Variants in BLOC1S3 observed in about 807,000 individuals in gnomAD.
The protein encoded by BLOC1S3 is biogenesis of lysosomal organelles complex 1 subunit 3.
Under a neutral mutation model 9.1 loss-of-function variants are expected in BLOC1S3, and 7 were observed. That is an observed-to-expected ratio of 0.77 (90% CI 0.44 to 1.45). The LOEUF is 1.45. BLOC1S3 is among the 40% of genes most tolerant of loss of function. The pLI, the probability that BLOC1S3 is intolerant of heterozygous loss-of-function variation, is 0.01. For synonymous variants in BLOC1S3, 145 were observed against 158.4 expected, an observed-to-expected ratio of 0.92 and a Z score of 0.64; for missense variants, 307 against 315.2, an observed-to-expected ratio of 0.97 and a Z score of 0.20.
At chr19:45,209,503 G>A (rs1180137871) in intron 3 of BLOC1S3, among the ~76,000 whole-genome samples, 3 of 150,506 alleles carry the variant, frequency 2.0e-5, no homozygotes, top group Non-Finnish European at 3.0e-5. Flanking sequence ...CTCACTGCAA[G>A]CTCCGCCTCC....
At chr19:45,198,252 A>G (rs1355277986) in intron 2 of BLOC1S3, among the ~76,000 whole-genome samples, 1 of 151,882 alleles carries the variant, frequency 6.6e-6, no homozygotes, top group Non-Finnish European at 1.5e-5. Flanking sequence ...CCTTTGGCCA[A>G]CTCTAACTTA....
chr19:45,200,418 G>A (rs1477041739), intron 2 of BLOC1S3, among the ~76,000 whole-genome samples: 3 of 152,034 alleles, frequency 2.0e-5, no homozygotes, highest in Admixed American at 6.6e-5. Flanking sequence ...TCATGACCTC[G>A]TGATCCACCT....
At chr19:45,207,236 G>T (rs940759943) in intron 3 of BLOC1S3, among the ~76,000 whole-genome samples, 1 of 151,622 alleles carries the variant, frequency 6.6e-6, no homozygotes, top group Non-Finnish European at 1.5e-5. Context: ...GGGTTCAAGT[G>T]ATTTTCCTGC....
chr19:45,215,898 G>A (rs891414494), intron 3 of BLOC1S3, among the ~76,000 whole-genome samples: 2 of 152,204 alleles, frequency 1.3e-5, no homozygotes, highest in Admixed American at 6.5e-5. Flanking sequence ...CAGCAGCGGC[G>A]GCAGGAGAAG....
At chr19:45,189,418 G>A (rs1383572750) in intron 2 of BLOC1S3, among the ~76,000 whole-genome samples, 2 of 147,450 alleles carry the variant, frequency 1.4e-5, no homozygotes, top group East Asian at 2.0e-4. Flanking sequence ...AAGGACTTGA[G>A]GTAGTCTTCT....
intron 3 of BLOC1S3, chr19:45,212,618 T>C (rs1003133794): frequency 7.5e-6 from 1 of 133,322 alleles, no homozygotes; most frequent in Admixed American, 7.7e-5. Context: ...TTTTTTTTTT[T>C]TTGAGAAAGG....
rs1969515095 is a variant in BLOC1S3, at chr19:45,181,095, C to T, written c.*1190C>T. 6.0e-6 allele frequency: 1 copy of T among 167,804 alleles called. No homozygotes were observed. Among genetic ancestry groups the T allele is most frequent in the African/African-American group, 2.4e-5 (1 of 41,452 alleles). The allele number at this position is 167,804 out of a possible 1,614,324, so 10.4% of individuals were successfully genotyped here. ...GTGCTGGTTCTACTTTTTGTTCTCC[C>T]ATCTGCCTCCTGCCTCCTCCCCTTT... On this transcript the variant is annotated 3_prime_UTR_variant, in exon 2 of 2. Coordinates refer to ENST00000433642, the MANE Select transcript of BLOC1S3 (RefSeq NM_212550.5).
At chr19:45,204,224 T>G (rs1969711245) in intron 3 of BLOC1S3, among the ~76,000 whole-genome samples, 1 of 147,392 alleles carries the variant, frequency 6.8e-6, no homozygotes, top group African/African-American at 2.5e-5. Context: ...GTTTTGCTCT[T>G]GTTGTCCAGG....
intron 2 of BLOC1S3, among the ~76,000 whole-genome samples, chr19:45,199,927 A>C (rs530491259): frequency 6.6e-6 from 1 of 151,712 alleles, no homozygotes; most frequent in Non-Finnish European, 1.5e-5. Flanking sequence ...CACCATGCCC[A>C]GCTAATTTTT....
In BLOC1S3 at chr19:45,180,900, T is replaced by C; in HGVS notation, c.*995T>C. On this transcript the variant is annotated 3_prime_UTR_variant, in exon 2 of 2. Coordinates refer to ENST00000433642, the MANE Select transcript of BLOC1S3 (RefSeq NM_212550.5). ...CACCACCACGCCTGGCTACTTTTTATATTTTTAGTAGAGATGAGGTTTCAC... is the reference window on the plus strand; with the variant it reads ...CACCACCACGCCTGGCTACTTTTTACATTTTTAGTAGAGATGAGGTTTCAC... 6.2e-6 allele frequency: 1 copy of C among 161,086 alleles called. No homozygotes were observed. The allele number at this position is 161,086 out of a possible 1,614,324, so 10.0% of individuals were successfully genotyped here.
chr19:45,216,202 G>A (rs1407627509), intron 3 of BLOC1S3: 1 of 1,613,478 alleles, frequency 6.2e-7, no homozygotes, highest in Admixed American at 1.7e-5. Context: ...CTCCTGCAGG[G>A]GAGGGAGGGT....
downstream of BLOC1S3, among the ~76,000 whole-genome samples, chr19:45,183,661 CTG>C (rs1969545111): frequency 7.9e-6 from 1 of 126,164 alleles, no homozygotes; most frequent in Non-Finnish European, 1.6e-5. Flanking sequence ...GAGTCTCACT[CTG>C]TCGTTCAGGC....
At chr19:45,183,497 C>T (rs912242391), downstream of BLOC1S3, among the ~76,000 whole-genome samples, 7 of 151,102 alleles carry the variant, frequency 4.6e-5, no homozygotes, top group South Asian at 2.1e-4. Context: ...AAAGTAGGTG[C>T]GGATCAACCA....
At chr19:45,182,740 A>ATT (rs1969535105), downstream of BLOC1S3, among the ~76,000 whole-genome samples, 2 of 152,124 alleles carry the variant, frequency 1.3e-5, no homozygotes, top group Non-Finnish European at 2.9e-5. Context: ...TTGGTCTTGA[A>ATT]CTTCTGAGCT....
chr19:45,183,032 G>T (rs1969538052), downstream of BLOC1S3, among the ~76,000 whole-genome samples: 1 of 152,080 alleles, frequency 6.6e-6, no homozygotes, highest in Non-Finnish European at 1.5e-5. Context: ...ATATGCGAGG[G>T]CCCTGAGGCA....
At chr19:45,193,964 A>G (rs962508534) in intron 2 of BLOC1S3, among the ~76,000 whole-genome samples, 1 of 117,518 alleles carries the variant, frequency 8.5e-6, no homozygotes. Context: ...CACCACGCCC[A>G]GCTAATTTTT....
chr19:45,215,921 A>C (rs1363641488), intron 3 of BLOC1S3: 4 of 1,110,834 alleles, frequency 3.6e-6, no homozygotes, highest in Non-Finnish European at 3.7e-6. Context: ...GGGAAATCTT[A>C]TTAATAATGC....
At chr19:45,209,686 G>C (rs960698393) in intron 3 of BLOC1S3, among the ~76,000 whole-genome samples, 1 of 151,098 alleles carries the variant, frequency 6.6e-6, no homozygotes. Context: ...CTCCCAAAGT[G>C]CTGGGATTAC....
At chr19:45,205,219 A>T (rs1969718199) in intron 3 of BLOC1S3, among the ~76,000 whole-genome samples, 1 of 151,106 alleles carries the variant, frequency 6.6e-6, no homozygotes. Flanking sequence ...AGACTGGAGT[A>T]CAGTGGCATG....
Sources: gnomAD v4.1 joint callset for allele counts (sites outside exome capture counted in the v4.1 genomes callset) on GRCh38, gnomAD v4.1.1 for gene constraint, MANE v1.5 for transcripts, NCBI Gene and HGNC (gene_info 2026-07-23, HGNC 2026-07-21) for gene names.